TAF4B: variants seen among roughly 807,000 people sequenced by gnomAD.
TAF4B encodes the protein transcription initiation factor TFIID subunit 4B.
TAF4B carries 38 observed loss-of-function variants against 86.4 expected under a neutral mutation model. The ratio of observed to expected loss-of-function variants is 0.44; its 90% CI spans 0.34 to 0.58. The LOEUF (loss-of-function observed/expected upper bound fraction) is 0.58. Among genes scored for constraint, TAF4B ranks in the 20% least tolerant of loss-of-function variants. TAF4B has a pLI of 0.02. For synonymous variants in TAF4B, 388 were observed against 391.2 expected, an observed-to-expected ratio of 0.99 and a Z score of 0.10; for missense variants, 988 against 1,027.6, an observed-to-expected ratio of 0.96 and a Z score of 0.53.
chr18:26,335,005 G>T (rs1369356853), intron 12 of TAF4B, among the ~76,000 whole-genome samples, 170 bp from the exon 13 acceptor site: 1 of 152,172 alleles, frequency 6.6e-6, no homozygotes, highest in African/African-American at 2.4e-5. Flanking sequence ...CAGATGATGA[G>T]GGGGCAGGGG....
chr18:26,309,143 A>G (rs551417546), intron 9 of TAF4B, among the ~76,000 whole-genome samples: 1 of 151,498 alleles, frequency 6.6e-6, no homozygotes, highest in African/African-American at 2.4e-5. Flanking sequence ...GATGTTCATT[A>G]TAAATTTAGG....
At chr18:26,242,269 C>G (rs1449325384) in intron 1 of TAF4B, among the ~76,000 whole-genome samples, 1 of 152,110 alleles carries the variant, frequency 6.6e-6, no homozygotes, top group African/African-American at 2.4e-5. Flanking sequence ...CTGGGTGCTC[C>G]TGTATTGGGT....
At chr18:26,375,233 G>T (rs1364378418) in intron 14 of TAF4B, among the ~76,000 whole-genome samples, 3 of 152,098 alleles carry the variant, frequency 2.0e-5, no homozygotes, top group Non-Finnish European at 4.4e-5. Context: ...TGCCTCTATT[G>T]TAGCATGTAT....
At chr18:26,282,289 A>G (rs913081231) in intron 6 of TAF4B, among the ~76,000 whole-genome samples, 1 of 152,198 alleles carries the variant, frequency 6.6e-6, no homozygotes. Flanking sequence ...GTTCATTATT[A>G]TATTGTTTAA....
rs149768688 is a variant in TAF4B, at chr18:26,291,768, A to G, written c.1591-478A>G. Among the ~76,000 whole-genome samples the G allele has an allele frequency of 2.4e-3, 358 of 152,150 alleles. 1 individual carries two copies. Among genetic ancestry groups the G allele is most frequent in the African/African-American group, 8.2e-3 (342 of 41,526 alleles). On this transcript the variant is annotated intron_variant, in intron 7 of 14. Coordinates refer to ENST00000269142, the MANE Select transcript of TAF4B (RefSeq NM_005640.3). ...GCACATGAAAAGTCCTTACCTTTTAAAGATATATTTTGAAATATTAATGGA... is the reference window on the plus strand; with the variant it reads ...GCACATGAAAAGTCCTTACCTTTTAGAGATATATTTTGAAATATTAATGGA...
chr18:26,228,118 A>C (rs890533546), intron 1 of TAF4B, among the ~76,000 whole-genome samples: 3 of 152,100 alleles, frequency 2.0e-5, no homozygotes, highest in Non-Finnish European at 2.9e-5. Flanking sequence ...GCTGTATTTC[A>C]TGGTTTGTAT....
chr18:26,304,044 A>G (rs2056768987), intron 9 of TAF4B, among the ~76,000 whole-genome samples: 2 of 152,060 alleles, frequency 1.3e-5, no homozygotes, highest in African/African-American at 4.8e-5. Flanking sequence ...ACTAGCATAG[A>G]GAAATTCAGG....
intron 1 of TAF4B, among the ~76,000 whole-genome samples, chr18:26,236,173 A>G (rs527669207): frequency 6.6e-6 from 1 of 152,312 alleles, no homozygotes; most frequent in South Asian, 2.1e-4. Flanking sequence ...TTTGGCTAAT[A>G]TCTCCCTCCC....
chr18:26,237,198 A>G (rs1213190377), intron 1 of TAF4B, among the ~76,000 whole-genome samples: 1 of 152,122 alleles, frequency 6.6e-6, no homozygotes, highest in South Asian at 2.1e-4. Context: ...TCTGTCATTT[A>G]CTTGACTAAG....
intron 1 of TAF4B, among the ~76,000 whole-genome samples, chr18:26,255,130 A>G (rs1477006538): frequency 6.6e-6 from 1 of 152,170 alleles, no homozygotes; most frequent in African/African-American, 2.4e-5. Flanking sequence ...TTATCATACA[A>G]CAAATCCCAT....
At position 26,357,640 on chromosome 18, in the gene TAF4B, C is replaced by T. The variant is rs73946375; in HGVS notation, c.2317-50C>T. The T allele has an allele frequency of 5.5e-3, 7,107 of 1,293,694 alleles. 296 individuals are homozygous for T. The African/African-American group carries it at 0.095, about 17-fold the overall frequency. The allele number at this position is 1,293,694 out of a possible 1,614,324, so 80.1% of individuals were successfully genotyped here. On this transcript the variant is annotated intron_variant, in intron 13 of 14. Coordinates refer to ENST00000269142, the MANE Select transcript of TAF4B (RefSeq NM_005640.3). ...CTTAGTAATCAGTTTCTTTTTCCCTCTGAGCATGAATGTGTATAAACATTG... is the reference window on the plus strand; with the variant it reads ...CTTAGTAATCAGTTTCTTTTTCCCTTTGAGCATGAATGTGTATAAACATTG...
At chr18:26,338,405 TGCC>T (rs2057109765) in intron 13 of TAF4B, among the ~76,000 whole-genome samples, 1 of 146,454 alleles carries the variant, frequency 6.8e-6, no homozygotes, top group Non-Finnish European at 1.5e-5. Flanking sequence ...GCCGACATGG[TGCC>T]ACTGGACTGA....
chr18:26,250,288 G>A (rs1432198285), intron 1 of TAF4B, among the ~76,000 whole-genome samples: 1 of 152,118 alleles, frequency 6.6e-6, no homozygotes, highest in Non-Finnish European at 1.5e-5. Flanking sequence ...ACGAGGTCAG[G>A]AGATCGAGAC....
rs752255940 is a variant in TAF4B, at chr18:26,227,101, C to G, written c.168C>G (p.Pro56=). The G allele has an allele frequency of 6.2e-7, 1 of 1,611,950 alleles. No individual in the cohort carries two copies. The highest frequency in any genetic ancestry group is 8.5e-7 in the Non-Finnish European group (1 of 1,179,362). The change falls in exon 1 of 15, where the codon CCC becomes CCG. Residue 56 remains proline (P), a synonymous_variant. Transcript: ENST00000269142. The stretch of plus-strand genomic sequence containing the variant: ...CTCCTGTCAGCGTCTGCGTGGAGCC[C>G]ACGGCGTCCCAGCCCCTGCGGTCCC... The part of the protein sequence containing the change: ...TKAPVSVCVE[P]TASQPLRSPV...
intron 14 of TAF4B, among the ~76,000 whole-genome samples, chr18:26,378,529 A>T (rs1388935685): frequency 6.6e-6 from 1 of 152,138 alleles, no homozygotes; most frequent in Non-Finnish European, 1.5e-5. Context: ...AGTCTTCAGG[A>T]AGGGTTGACT....
chr18:26,317,331 T>C (rs2056923067), intron 10 of TAF4B, among the ~76,000 whole-genome samples: 1 of 152,090 alleles, frequency 6.6e-6, no homozygotes, highest in African/African-American at 2.4e-5. Context: ...GTGCCCAGCC[T>C]GCTTCCAAAT....
At chr18:26,346,759 G>GTATATATATATA (rs1189521252) in intron 13 of TAF4B, among the ~76,000 whole-genome samples, 2 of 27,112 alleles carry the variant, frequency 7.4e-5, no homozygotes, top group African/African-American at 1.9e-4. Context: ...ATATATGTGT[G>GTATATATATATA]TATATATATA....
At chr18:26,255,474 G>A (rs1217839719) in intron 1 of TAF4B, among the ~76,000 whole-genome samples, 8 of 151,748 alleles carry the variant, frequency 5.3e-5, no homozygotes, top group African/African-American at 1.7e-4. Flanking sequence ...CTGGTGGTGG[G>A]CACCTATAAA....
At chr18:26,353,870 A>G (rs1467747182) in intron 13 of TAF4B, among the ~76,000 whole-genome samples, 2 of 152,034 alleles carry the variant, frequency 1.3e-5, no homozygotes, top group African/African-American at 2.4e-5. Flanking sequence ...CAATTTGCCA[A>G]TTTTTTCTCT....
Sources: allele counts gnomAD v4.1 joint callset (sites outside exome capture counted in the v4.1 genomes callset), GRCh38; gene constraint gnomAD v4.1.1; transcripts MANE v1.5; gene names NCBI Gene and HGNC (gene_info 2026-07-23, HGNC 2026-07-21).